The following RBM19 variants were observed in gnomAD, a reference collection of about 807,000 sequenced individuals.
The protein encoded by RBM19 is RNA binding motif protein 19, also known as probable RNA-binding protein 19.
Under a neutral mutation model 116.8 loss-of-function variants are expected in RBM19, and 94 were observed. That is an observed-to-expected ratio of 0.80 (90% confidence interval 0.68 to 0.95). The LOEUF (loss-of-function observed/expected upper bound fraction) is 0.95, where lower values mean the gene tolerates loss of function less well. Among genes scored for constraint, RBM19 ranks in the 40% least tolerant of loss-of-function variants. The pLI is 0.00. For synonymous variants in RBM19, 475 were observed against 494.1 expected, an observed-to-expected ratio of 0.96 and a Z score of 0.51; for missense variants, 1,161 against 1,220.7, an observed-to-expected ratio of 0.95 and a Z score of 0.73.
chr12:113,955,911 G>A (rs1871900065), intron 6 of RBM19, among the ~76,000 whole-genome samples: 1 of 152,160 alleles, frequency 6.6e-6, no homozygotes, highest in Non-Finnish European at 1.5e-5. Flanking sequence ...CCCTGCTGGG[G>A]GTGCTGCATT....
exon 25 of RBM19, chr12:113,816,860 G>C (rs1290249453): frequency 2.6e-5 from 4 of 152,228 alleles, no homozygotes; most frequent in East Asian, 1.9e-4. Context: ...CACAGGATGG[G>C]AGGATGGGTT....
chr12:113,820,016 G>T (rs950307685), downstream of RBM19, among the ~76,000 whole-genome samples: 2 of 151,696 alleles, frequency 1.3e-5, no homozygotes, highest in African/African-American at 2.4e-5. Flanking sequence ...CCCCTGTACT[G>T]AGTGCTGTGA....
intron 14 of RBM19, among the ~76,000 whole-genome samples, chr12:113,942,021 A>G (rs1320337696): frequency 6.6e-6 from 1 of 152,172 alleles, no homozygotes; most frequent in African/African-American, 2.4e-5. Context: ...CCCCGAACAG[A>G]TAACAGATGC....
intron 23 of RBM19, among the ~76,000 whole-genome samples, chr12:113,837,236 ATCC>A (rs1211284470): frequency 1.5e-5 from 1 of 64,920 alleles, no homozygotes; most frequent in African/African-American, 6.9e-5. Flanking sequence ...CTTATAACCC[ATCC>A]TCCTAATACA....
chr12:113,824,582 C>T (rs781768975), intron 23 of RBM19, among the ~76,000 whole-genome samples: 6 of 152,068 alleles, frequency 3.9e-5, no homozygotes, highest in Non-Finnish European at 7.3e-5. Flanking sequence ...ACCCTGAGGC[C>T]CTTTACCTCC....
intron 16 of RBM19, among the ~76,000 whole-genome samples, chr12:113,929,763 G>A (rs1422924436): frequency 2.0e-5 from 3 of 152,208 alleles, no homozygotes; most frequent in Non-Finnish European, 4.4e-5. Flanking sequence ...TGAATACCCT[G>A]AGTACAGTCT....
chr12:113,848,863 C>T (rs1877208389), intron 22 of RBM19, among the ~76,000 whole-genome samples: 1 of 152,178 alleles, frequency 6.6e-6, no homozygotes, highest in African/African-American at 2.4e-5. Context: ...AAGTCTGGCT[C>T]CTGCTGTCTG....
chr12:113,874,690 G>A (rs1879534058), intron 21 of RBM19, among the ~76,000 whole-genome samples: 2 of 152,244 alleles, frequency 1.3e-5, no homozygotes, highest in Non-Finnish European at 2.9e-5. Context: ...AGAGGCTGAG[G>A]AGATGATGAT....
At chr12:113,958,524 C>T (rs1006000405) in intron 5 of RBM19, among the ~76,000 whole-genome samples, 4 of 152,166 alleles carry the variant, frequency 2.6e-5, no homozygotes, top group East Asian at 1.9e-4. Context: ...TGTGTCTCTG[C>T]GATGCTGTTC....
At chr12:113,880,410 T>A (rs1182002454) in intron 21 of RBM19, among the ~76,000 whole-genome samples, 1 of 152,200 alleles carries the variant, frequency 6.6e-6, no homozygotes, top group Non-Finnish European at 1.5e-5. Flanking sequence ...CGGTAAGTAA[T>A]GAACACAGCG....
chr12:113,909,713 A>G (rs1882310709), intron 21 of RBM19, among the ~76,000 whole-genome samples: 1 of 152,102 alleles, frequency 6.6e-6, no homozygotes, highest in Non-Finnish European at 1.5e-5. Context: ...TGGACAGGCT[A>G]AGCGTGAGCC....
chr12:113,840,433 C>T (rs1026824802), intron 23 of RBM19, among the ~76,000 whole-genome samples: 9 of 152,186 alleles, frequency 5.9e-5, no homozygotes, highest in African/African-American at 1.2e-4. Context: ...CTCCTGCCCC[C>T]GGGAAAACAT....
At chr12:113,845,547 C>G (rs1324626010) in intron 22 of RBM19, among the ~76,000 whole-genome samples, 1 of 152,178 alleles carries the variant, frequency 6.6e-6, no homozygotes, top group Non-Finnish European at 1.5e-5. Flanking sequence ...AAAATGTCAT[C>G]AAATCAATTT....
chr12:113,933,605 T>G (rs1566025363), intron 16 of RBM19, among the ~76,000 whole-genome samples: 1 of 151,664 alleles, frequency 6.6e-6, no homozygotes, highest in Non-Finnish European at 1.5e-5. Context: ...CTCTGGGAGG[T>G]AGGGGCTGTT....
chr12:113,881,643 C>A (rs1880140417), intron 21 of RBM19, among the ~76,000 whole-genome samples: 1 of 152,204 alleles, frequency 6.6e-6, no homozygotes. Flanking sequence ...CCCTCAAGGG[C>A]CCATTTCATG....
At chr12:113,821,500 C>T (rs901467296), downstream of RBM19, among the ~76,000 whole-genome samples, 7 of 152,190 alleles carry the variant, frequency 4.6e-5, no homozygotes, top group Non-Finnish European at 5.9e-5. Context: ...GCATGACCTA[C>T]GGCAACTTGG....
At chr12:113,965,363 C>T (rs1872788337) in intron 1 of RBM19, among the ~76,000 whole-genome samples, 2 of 149,878 alleles carry the variant, frequency 1.3e-5, no homozygotes, top group African/African-American at 4.9e-5. Context: ...AGAGATAAGA[C>T]AAACAATGAT....
At chr12:113,851,376 A>G (rs1327949439) in intron 22 of RBM19, among the ~76,000 whole-genome samples, 2 of 152,210 alleles carry the variant, frequency 1.3e-5, no homozygotes, top group South Asian at 2.1e-4. Context: ...ACATGAGACG[A>G]GGAGACAAAA....
At chr12:113,828,099 C>CAAAAA (rs34234377) in intron 23 of RBM19, among the ~76,000 whole-genome samples, 1 of 67,334 alleles carries the variant, frequency 1.5e-5, no homozygotes, top group Non-Finnish European at 2.9e-5. Context: ...GACTCTGTCT[C>CAAAAA]AAAAAAAAAA....
Sources: allele counts gnomAD v4.1 joint callset (sites outside exome capture counted in the v4.1 genomes callset), GRCh38; gene constraint gnomAD v4.1.1; transcripts MANE v1.5; gene names NCBI Gene and HGNC (gene_info 2026-07-23, HGNC 2026-07-21).